Variants in FAT4 observed in about 807,000 individuals in gnomAD.
FAT4 encodes protocadherin Fat 4.
FAT4 carries 84 observed loss-of-function variants against 303.9 expected under a neutral mutation model. The ratio of observed to expected loss-of-function variants is 0.28; its 90% CI spans 0.23 to 0.33. The LOEUF (loss-of-function observed/expected upper bound fraction) is 0.33. Among genes scored for constraint, FAT4 ranks in the 10% least tolerant of loss-of-function variants. The pLI is 1.00. For missense variants in FAT4, 6,005 were observed against 6,146.8 expected (o/e 0.98, Z 0.77); for synonymous variants, 2,307 against 2,298.8 (o/e 1.00, Z -0.10).
At chr4:125,421,594 C>T (rs1309543087) in intron 7 of FAT4, among the ~76,000 whole-genome samples, 2 of 152,070 alleles carry the variant, frequency 1.3e-5, no homozygotes, top group Non-Finnish European at 2.9e-5. Context: ...TGCGAGAAAG[C>T]AGTAAAACAA....
In FAT4 at chr4:125,319,835, G is replaced by A. The variant is rs202188213; in HGVS notation, c.3424G>A (p.Val1142Met). ...NGEVRYSFEM[V>M]QPDFELHAIS... ...AGAAGTAAGGTATTCTTTTGAAATG[G>A]TGCAGCCAGATTTTGAGTTGCATGC... Residue 1142 changes from valine (V) to methionine (M), a missense_variant, in exon 2 of 18, where the codon GTG becomes ATG. By Grantham distance (21) the Val-to-Met change is conservative (BLOSUM62 1). Transcript: ENST00000394329. 388 of 1,614,030 alleles carry A rather than the reference G, an allele frequency of 2.4e-4. 1 individual carries two copies. In the African/African-American group the frequency reaches 4.4e-3, roughly 18 times the overall value.
At chr4:125,403,755 C>T (rs891028770) in intron 3 of FAT4, among the ~76,000 whole-genome samples, 3 of 152,042 alleles carry the variant, frequency 2.0e-5, no homozygotes, top group African/African-American at 7.2e-5. Flanking sequence ...AATTGCCAGC[C>T]AAAGTAACTT....
Position 125,450,325 on chromosome 4 carries a change from C to G in FAT4, c.9315C>G (p.Ser3105Arg), listed in dbSNP as rs1419658326. ...HMSATIPESH[S>R]IGSIVRTVSA... ...GTGCAACCATCCCTGAGAGCCATAG[C>G]ATTGGGTCCATTGTCAGAACTGTTT... The change falls in exon 10 of 18, where the codon AGC (serine) becomes AGG (arginine). Residue 3105 changes from serine to arginine, a missense_variant. Transcript: ENST00000394329. 4 of 1,613,982 alleles carry G rather than the reference C, an allele frequency of 2.5e-6. No individual in the cohort carries two copies. Among genetic ancestry groups the G allele is most frequent in the Admixed American group, 3.3e-5 (2 of 59,982 alleles).
chr4:125,452,838 T>G (rs1485298337), intron 10 of FAT4, 28 bp downstream of exon 10: 1 of 1,561,688 alleles, frequency 6.4e-7, no homozygotes, highest in Non-Finnish European at 8.7e-7. Context: ...CTTTTCTCAC[T>G]AAGACTTTAG....
At chr4:125,410,509 G>T (rs911945186) in intron 5 of FAT4, among the ~76,000 whole-genome samples, 1 of 152,120 alleles carries the variant, frequency 6.6e-6, no homozygotes, top group Admixed American at 6.6e-5. Context: ...CCATAGATAA[G>T]AATATTTTCA....
At chr4:125,330,506 T>C (rs1220079761) in intron 2 of FAT4, among the ~76,000 whole-genome samples, 2 of 152,204 alleles carry the variant, frequency 1.3e-5, no homozygotes, top group East Asian at 3.9e-4. Flanking sequence ...ACTATATATG[T>C]ATAGGGGTGG....
At position 125,446,371 on chromosome 4, in the gene FAT4, T is replaced by C. The variant is rs1347785140; in HGVS notation, c.7278T>C (p.Asp2426=). 1 of 1,613,438 alleles carries C rather than the reference T, an allele frequency of 6.2e-7. No homozygotes were observed. The highest frequency in any genetic ancestry group is 1.7e-5 in the Admixed American group (1 of 59,980). The change falls in exon 9 of 18, where the codon GAT becomes GAC. Residue 2426 remains aspartate, a synonymous_variant. Coordinates refer to ENST00000394329, the MANE Select transcript of FAT4 (RefSeq NM_001291303.3). The part of the protein sequence containing the change: ...TGQIITSALL[D]RETKDNYTLV... Reference sequence around the variant, plus strand: ...AAATCATCACCAGCGCATTGTTAGATAGGGAAACAAAAGATAATTATACTT... The same window carrying C: ...AAATCATCACCAGCGCATTGTTAGACAGGGAAACAAAAGATAATTATACTT...
At chr4:125,354,114 A>G (rs1430279716) in intron 2 of FAT4, among the ~76,000 whole-genome samples, 1 of 151,740 alleles carries the variant, frequency 6.6e-6, no homozygotes, top group African/African-American at 2.4e-5. Context: ...ATTGTATTGC[A>G]TTTTATAATA....
intron 12 of FAT4, among the ~76,000 whole-genome samples, chr4:125,475,470 G>A (rs1250596669): frequency 2.0e-5 from 3 of 152,014 alleles, no homozygotes; most frequent in South Asian, 2.1e-4. Flanking sequence ...AAGGGAATAC[G>A]CATCCCTTAG....
At chr4:125,403,968 T>C (rs546713165) in intron 3 of FAT4, among the ~76,000 whole-genome samples, 1 of 152,290 alleles carries the variant, frequency 6.6e-6, no homozygotes, top group African/African-American at 2.4e-5. Flanking sequence ...CCTTAATTTC[T>C]TTTAAAATGG....
intron 2 of FAT4, among the ~76,000 whole-genome samples, chr4:125,341,566 A>G (rs1189696196): frequency 1.3e-5 from 2 of 152,062 alleles, no homozygotes; most frequent in Non-Finnish European, 2.9e-5. Flanking sequence ...TCATATGCTG[A>G]ACATCTTTTT....
chr4:125,398,895 A>G lies in FAT4; in HGVS notation c.5287A>G (p.Thr1763Ala). The G allele has an allele frequency of 6.2e-7, 1 of 1,613,132 alleles. No individual in the cohort carries two copies. The highest frequency in any genetic ancestry group is 8.5e-7 in the Non-Finnish European group (1 of 1,179,280). ...IGDGSKIMQLTAMDADEGANA... is the reference protein window; with the variant it reads ...IGDGSKIMQLAAMDADEGANA... ...AGATGGCTCTAAGATTATGCAGCTG[A>G]CAGCCATGGATGCTGATGAGGTAGC... The change falls in exon 3 of 18, where the codon ACA becomes GCA. Residue 1763 changes from threonine (T) to alanine (A), a missense_variant. Transcript: ENST00000394329.
chr4:125,350,872 T>C (rs1399061634), intron 2 of FAT4, among the ~76,000 whole-genome samples: 1 of 151,726 alleles, frequency 6.6e-6, no homozygotes, highest in African/African-American at 2.4e-5. Context: ...AGACAGTCCT[T>C]TAAATTTAAA....
intron 2 of FAT4, among the ~76,000 whole-genome samples, chr4:125,384,531 T>C (rs1329936692): frequency 6.6e-6 from 1 of 152,192 alleles, no homozygotes; most frequent in Non-Finnish European, 1.5e-5. Context: ...TGAATTGTAT[T>C]AGTTCTTTAT....
intron 2 of FAT4, among the ~76,000 whole-genome samples, chr4:125,333,341 T>G (rs570642774): frequency 6.6e-6 from 1 of 152,264 alleles, no homozygotes; most frequent in African/African-American, 2.4e-5. Flanking sequence ...AACAGACCTA[T>G]TTTAAAGTGA....
chr4:125,416,656 A>C, intron 7 of FAT4, 34 bp downstream of exon 7: 1 of 1,605,726 alleles, frequency 6.2e-7, no homozygotes, highest in Non-Finnish European at 8.5e-7. Context: ...ATTTGTAGAT[A>C]ATTTCTAGGC....
At chr4:125,321,617 T>A (rs540668041) in intron 2 of FAT4, 31 bp downstream of exon 2, 1 of 1,537,792 alleles carries the variant, frequency 6.5e-7, no homozygotes, top group South Asian at 1.3e-5. Context: ...TATTATTTGT[T>A]GATTTGCTTT....
chr4:125,395,024 C>T (rs1037815437), intron 2 of FAT4, among the ~76,000 whole-genome samples: 2 of 152,150 alleles, frequency 1.3e-5, no homozygotes, highest in African/African-American at 2.4e-5. Flanking sequence ...TTAGTGACCA[C>T]ATCACATGTA....
chr4:125,395,332 CAG>C (rs1361578351), intron 2 of FAT4, among the ~76,000 whole-genome samples: 5 of 152,084 alleles, frequency 3.3e-5, no homozygotes, highest in African/African-American at 4.8e-5. Context: ...TTTTTTGAGA[CAG>C]AGTCTCACTC....
Sources: gnomAD v4.1 joint callset for allele counts (sites outside exome capture counted in the v4.1 genomes callset) on GRCh38, gnomAD v4.1.1 for gene constraint, MANE v1.5 for transcripts, NCBI Gene and HGNC (gene_info 2026-07-23, HGNC 2026-07-21) for gene names.